Variants in NXPH2 observed in about 807,000 individuals in gnomAD.
NXPH2 encodes neurexophilin 2.
Under a neutral mutation model 19.8 loss-of-function variants are expected in NXPH2, and 5 were observed. The observed-to-expected ratio is 0.25, with a 90% CI of 0.13 to 0.53. The LOEUF (loss-of-function observed/expected upper bound fraction) is 0.53, where lower values mean the gene tolerates loss of function less well. NXPH2 is among the 20% of genes least tolerant of loss of function. The probability of loss-of-function intolerance (pLI) is 0.96; values close to 1 mark genes in which losing one functional copy is unlikely to be tolerated. For missense variants in NXPH2, 289 were observed against 322.8 expected, an observed-to-expected ratio of 0.90 and a Z score of 0.80; for synonymous variants, 154 against 127.4, an observed-to-expected ratio of 1.21 and a Z score of -1.41.
chr2:138,772,794 C>G (rs1037789375), intron 1 of NXPH2, among the ~76,000 whole-genome samples: 4 of 152,116 alleles, frequency 2.6e-5, no homozygotes, highest in African/African-American at 4.8e-5. Flanking sequence ...GTGATGAGTA[C>G]CTAGAAAGAC....
chr2:138,774,332 T>G (rs1682225268), intron 1 of NXPH2, among the ~76,000 whole-genome samples: 1 of 152,226 alleles, frequency 6.6e-6, no homozygotes, highest in South Asian at 2.1e-4. Flanking sequence ...TTTTACTAAA[T>G]TTTCCTTTTC....
chr2:138,716,439 A>T (rs1681196300), intron 1 of NXPH2, among the ~76,000 whole-genome samples: 2 of 152,294 alleles, frequency 1.3e-5, no homozygotes, highest in Non-Finnish European at 2.9e-5. Context: ...CCATCTGCAA[A>T]GCAGGAAGAA....
intron 1 of NXPH2, among the ~76,000 whole-genome samples, chr2:138,726,519 AACAC>A (rs57428467): frequency 0.11 from 16,270 of 146,378 alleles, 887 homozygotes; most frequent in South Asian, 0.17. Flanking sequence ...TAAAAAAAGA[AACAC>A]ACACACACAC....
intron 1 of NXPH2, among the ~76,000 whole-genome samples, chr2:138,766,366 T>C (rs1682092954): frequency 6.6e-6 from 1 of 152,186 alleles, no homozygotes; most frequent in African/African-American, 2.4e-5. Flanking sequence ...TATGGCAGGT[T>C]TCTCACCCAC....
rs115352577 is a variant in NXPH2, at chr2:138,723,891, G to A, written c.52-52226C>T. ...CTGGTATTTGACACTGACTTCCCCC[G>A]GATTATTTCACCATTGCTCCTAAAC... On this transcript the variant is annotated intron_variant, in intron 1 of 1. Coordinates refer to ENST00000272641, the MANE Select transcript of NXPH2 (RefSeq NM_007226.3). Among the ~76,000 whole-genome samples, 549 of 149,040 alleles carry A rather than the reference G, an allele frequency of 3.7e-3. 3 individuals carry two copies. Among genetic ancestry groups the A allele is most frequent in the African/African-American group, 0.013 (517 of 40,494 alleles).
rs955129251 is a variant in NXPH2, at chr2:138,688,649, G to T, written c.52-16984C>A. Among the ~76,000 whole-genome samples, 7 of 152,156 alleles carry T rather than the reference G, an allele frequency of 4.6e-5. No individual in the cohort carries two copies. In the East Asian group the frequency reaches 9.6e-4, roughly 21 times the overall value. ...ATGCATTATATATGAGTTCAGATGT[G>T]TAACAACTATTATTGAAAGCTTCAT... On this transcript the variant is annotated intron_variant, in intron 1 of 1. Transcript: ENST00000272641.
intron 1 of NXPH2, among the ~76,000 whole-genome samples, chr2:138,734,754 C>T (rs1169955214): frequency 6.6e-6 from 1 of 152,074 alleles, no homozygotes; most frequent in Non-Finnish European, 1.5e-5. Flanking sequence ...CAGAATGATT[C>T]CCAAGATTTG....
At chr2:138,742,895 T>C (rs1351076439) in intron 1 of NXPH2, among the ~76,000 whole-genome samples, 1 of 152,188 alleles carries the variant, frequency 6.6e-6, no homozygotes, top group African/African-American at 2.4e-5. Context: ...TAGTCGTGAT[T>C]AAAAATAACA....
In NXPH2 at chr2:138,671,442, T is replaced by C. The variant is rs530015990; in HGVS notation, c.275A>G (p.Glu92Gly). ...CCTCCGTTTAGTTCTTGCCAATGGC[T>C]CCTGAATCTCCGTGATGTTGGCCAG... Reference protein sequence around the residue: ...DWLANITEIQEPLARTKRRPI... With the variant: ...DWLANITEIQGPLARTKRRPI... Residue 92 changes from glutamate (E) to glycine (G), a missense_variant, in exon 2 of 2, where the codon GAG (glutamate) becomes GGG (glycine). Coordinates refer to ENST00000272641, the MANE Select transcript of NXPH2 (RefSeq NM_007226.3). 1 of 1,613,982 alleles carries C rather than the reference T, an allele frequency of 6.2e-7. No homozygotes were observed. Among genetic ancestry groups the C allele is most frequent in the Admixed American group, 1.7e-5 (1 of 60,024 alleles).
chr2:138,736,561 G>A (rs1681542420), intron 1 of NXPH2, among the ~76,000 whole-genome samples: 1 of 152,184 alleles, frequency 6.6e-6, no homozygotes, highest in African/African-American at 2.4e-5. Flanking sequence ...CAGGCTTCTG[G>A]CCTGTAAAGG....
At chr2:138,704,983 C>A (rs1680985970) in intron 1 of NXPH2, among the ~76,000 whole-genome samples, 1 of 152,084 alleles carries the variant, frequency 6.6e-6, no homozygotes, top group African/African-American at 2.4e-5. Flanking sequence ...CGCCACTATG[C>A]CTGGCTAATT....
intron 1 of NXPH2, among the ~76,000 whole-genome samples, chr2:138,750,611 A>G (rs1309036677): frequency 6.6e-6 from 1 of 152,210 alleles, no homozygotes; most frequent in East Asian, 1.9e-4. Context: ...AACTATGCCT[A>G]GGTATTAGAG....
intron 1 of NXPH2, among the ~76,000 whole-genome samples, chr2:138,692,969 TTA>T (rs1424778819): frequency 1.3e-5 from 2 of 152,206 alleles, no homozygotes; most frequent in Admixed American, 1.3e-4. Flanking sequence ...TGCATGTAAG[TTA>T]TAGTTCCATT....
chr2:138,670,977 T>C lies in NXPH2; in HGVS notation c.740A>G (p.Lys247Arg). ...FYSVDYKLVQ[K>R]VCPDYNYHSE... is the part of the protein sequence containing the mutation. ...ATGGTAATTGTAGTCAGGGCACACC[T>C]TTTGCACGAGTTTATAATCAACACT... Residue 247 changes from lysine to arginine, a missense_variant, in exon 2 of 2, where the codon AAG becomes AGG. Lys to Arg is a conservative substitution (Grantham distance 26, BLOSUM62 2). Transcript: ENST00000272641. 6.2e-7 allele frequency: 1 copy of C among 1,613,844 alleles called. No individual in the cohort carries two copies.
intron 1 of NXPH2, among the ~76,000 whole-genome samples, chr2:138,739,135 T>C (rs887402203): frequency 2.0e-5 from 3 of 152,188 alleles, no homozygotes; most frequent in African/African-American, 7.2e-5. Context: ...GCAGAAATTA[T>C]AAAGTATTGC....
At chr2:138,730,889 A>C (rs949344526) in intron 1 of NXPH2, among the ~76,000 whole-genome samples, 3 of 152,154 alleles carry the variant, frequency 2.0e-5, no homozygotes, top group Admixed American at 6.5e-5. Flanking sequence ...ATGCAGCAAT[A>C]GCTAACTATA....
intron 1 of NXPH2, among the ~76,000 whole-genome samples, chr2:138,682,685 G>T (rs892524694): frequency 6.6e-6 from 1 of 152,056 alleles, no homozygotes; most frequent in African/African-American, 2.4e-5. Context: ...ATTGATACAG[G>T]AACTAACAGG....
intron 1 of NXPH2, among the ~76,000 whole-genome samples, chr2:138,776,295 C>T (rs372546337): frequency 6.6e-6 from 1 of 151,758 alleles, no homozygotes; most frequent in East Asian, 1.9e-4. Context: ...TAATCAAAAA[C>T]CATAAAAAAG....
intron 1 of NXPH2, among the ~76,000 whole-genome samples, chr2:138,727,321 G>C (rs1053314419): frequency 2.0e-5 from 3 of 152,142 alleles, no homozygotes; most frequent in Non-Finnish European, 4.4e-5. Context: ...TGCCTTCAAA[G>C]TGGCTAAACC....
Sources: allele counts gnomAD v4.1 joint callset (sites outside exome capture counted in the v4.1 genomes callset), GRCh38; gene constraint gnomAD v4.1.1; transcripts MANE v1.5; gene names NCBI Gene and HGNC (gene_info 2026-07-23, HGNC 2026-07-21).